ATRNL1: variants seen among roughly 807,000 people sequenced by gnomAD.
The protein encoded by ATRNL1 is attractin-like protein 1.
ATRNL1 carries 95 observed loss-of-function variants against 182.7 expected under a neutral mutation model. The ratio of observed to expected loss-of-function variants is 0.52; its 90% confidence interval spans 0.44 to 0.62. The LOEUF (loss-of-function observed/expected upper bound fraction) is 0.62, where lower values mean the gene tolerates loss of function less well. ATRNL1 is among the 20% of genes least tolerant of loss of function. ATRNL1 has a pLI of 0.00. For synonymous variants in ATRNL1, 576 were observed against 568.3 expected, an observed-to-expected ratio of 1.01 and a Z score of -0.19; for missense variants, 1,471 against 1,679.5, an observed-to-expected ratio of 0.88 and a Z score of 2.17.
intron 24 of ATRNL1, among the ~76,000 whole-genome samples, chr10:115,511,739 A>G (rs1850396417): frequency 2.0e-5 from 3 of 151,938 alleles, no homozygotes; most frequent in African/African-American, 7.2e-5. Context: ...TTATTAATTC[A>G]TTAAAAATAT....
chr10:115,281,699 A>G (rs1319440136), intron 14 of ATRNL1, among the ~76,000 whole-genome samples: 1 of 151,502 alleles, frequency 6.6e-6, no homozygotes, highest in Non-Finnish European at 1.5e-5. Context: ...TCATATGTTT[A>G]TGATACTGTT....
intron 28 of ATRNL1, among the ~76,000 whole-genome samples, chr10:115,889,667 T>G (rs2134459803): frequency 6.6e-6 from 1 of 152,358 alleles, no homozygotes; most frequent in South Asian, 2.1e-4. Context: ...CTCACAATTT[T>G]CTGCCTTAGA....
At chr10:115,593,162 GA>G (rs1856017104) in intron 26 of ATRNL1, among the ~76,000 whole-genome samples, 1 of 152,144 alleles carries the variant, frequency 6.6e-6, no homozygotes, top group Non-Finnish European at 1.5e-5. Flanking sequence ...AGAAGGGGCT[GA>G]ACTTCCTTTT....
At chr10:115,735,295 T>G (rs1472656270) in intron 27 of ATRNL1, among the ~76,000 whole-genome samples, 1 of 152,180 alleles carries the variant, frequency 6.6e-6, no homozygotes, top group Non-Finnish European at 1.5e-5. Flanking sequence ...AAGAAATGTA[T>G]TTAAAATATA....
Position 115,474,563 on chromosome 10 carries a change from A to G in ATRNL1, c.3654+5234A>G, listed in dbSNP as rs576257997. ...GAGTTTAGGGACTGTTGTGGGTGAA[A>G]TAGAGCAGGGATGGAAGGGAGATAT... On this transcript the variant is annotated intron_variant, in intron 24 of 28. Coordinates refer to ENST00000355044, the MANE Select transcript of ATRNL1 (RefSeq NM_207303.4). Among the ~76,000 whole-genome samples, 8 of 151,242 alleles carry G rather than the reference A, an allele frequency of 5.3e-5. No homozygotes were observed. The East Asian group carries it at 1.4e-3, about 26-fold the overall frequency.
chr10:115,675,822 A>T (rs1555042786), intron 26 of ATRNL1, among the ~76,000 whole-genome samples: 1 of 152,248 alleles, frequency 6.6e-6, no homozygotes. Context: ...TAACAACCTT[A>T]TTAAATAGCT....
intron 28 of ATRNL1, among the ~76,000 whole-genome samples, chr10:115,911,134 G>A (rs1418944217): frequency 5.3e-5 from 8 of 151,286 alleles, no homozygotes; most frequent in Non-Finnish European, 1.2e-4. Context: ...CCTTTGCTGG[G>A]ACTACAGGCA....
chr10:115,761,395 G>A (rs1948731920), intron 27 of ATRNL1, among the ~76,000 whole-genome samples: 1 of 152,132 alleles, frequency 6.6e-6, no homozygotes, highest in Non-Finnish European at 1.5e-5. Context: ...ACATTCCAGT[G>A]CTCTAAGACC....
At chr10:115,151,648 C>T (rs1592173609) in intron 5 of ATRNL1, among the ~76,000 whole-genome samples, 1 of 151,930 alleles carries the variant, frequency 6.6e-6, no homozygotes, top group Admixed American at 6.6e-5. Flanking sequence ...ATTGCAAAAA[C>T]TTTCTCCCAT....
At chr10:115,794,987 GCTTCTGTGT>G (rs1482985450) in intron 27 of ATRNL1, among the ~76,000 whole-genome samples, 1 of 152,040 alleles carries the variant, frequency 6.6e-6, no homozygotes, top group Non-Finnish European at 1.5e-5. Context: ...CTTTAAGATG[GCTTCTGTGT>G]CCTTTTGAAA....
At chr10:115,672,296 G>A (rs1945721328) in intron 26 of ATRNL1, among the ~76,000 whole-genome samples, 1 of 152,044 alleles carries the variant, frequency 6.6e-6, no homozygotes, top group African/African-American at 2.4e-5. Flanking sequence ...AGATTAAACA[G>A]CCTAGGAAGT....
chr10:115,464,074 A>G (rs1028950757), intron 22 of ATRNL1, among the ~76,000 whole-genome samples: 1 of 151,978 alleles, frequency 6.6e-6, no homozygotes, highest in Admixed American at 6.6e-5. Context: ...CCAATGTCCC[A>G]GCTTTGTTTT....
chr10:115,920,888 C>T lies in ATRNL1; in HGVS notation c.4019-23770C>T, dbSNP rs190402959. Reference sequence around the variant, plus strand: ...GTTAAGAAGTATCAAAATATCAGCACTTATTTCTATAACTAATGTATATAT... The same window carrying T: ...GTTAAGAAGTATCAAAATATCAGCATTTATTTCTATAACTAATGTATATAT... On this transcript the variant is annotated intron_variant, in intron 28 of 28. Transcript: ENST00000355044. Among the ~76,000 whole-genome samples, 585 of 152,268 alleles carry T rather than the reference C, an allele frequency of 3.8e-3. 5 individuals carry two copies. Among genetic ancestry groups the T allele is most frequent in the African/African-American group, 0.013 (559 of 41,550 alleles).
At chr10:115,601,874 A>G (rs1043204428) in intron 26 of ATRNL1, among the ~76,000 whole-genome samples, 1 of 151,934 alleles carries the variant, frequency 6.6e-6, no homozygotes, top group Non-Finnish European at 1.5e-5. Flanking sequence ...GTAATTATCT[A>G]TACTATGTGT....
rs34729273 is a variant in ATRNL1, at chr10:115,628,146, C to CAA, written c.3795+78623_3795+78624dup. Among the ~76,000 whole-genome samples, 56 of 109,068 alleles carry CAA rather than the reference C, an allele frequency of 5.1e-4. 2 individuals carry two copies. The highest frequency in any genetic ancestry group is 4.3e-3 in the East Asian group (18 of 4,148). The allele number at this position is 109,068 out of a possible 152,430, so 71.6% of individuals were successfully genotyped here. On this transcript the variant is annotated intron_variant, in intron 26 of 28. Coordinates refer to ENST00000355044, the MANE Select transcript of ATRNL1 (RefSeq NM_207303.4). ...TGGGCAACAGAGCAAGACTCTGTCT[C>CAA]AAAAAAAAAAAAAAGAAAGAAAAAA...
chr10:115,704,701 T>C (rs1478348399), intron 26 of ATRNL1, among the ~76,000 whole-genome samples: 3 of 151,958 alleles, frequency 2.0e-5, no homozygotes, highest in Non-Finnish European at 2.9e-5. Flanking sequence ...TTTTGTGATA[T>C]GGGGTATACG....
chr10:115,538,822 C>T (rs1185698751), intron 25 of ATRNL1, among the ~76,000 whole-genome samples: 2 of 152,138 alleles, frequency 1.3e-5, no homozygotes, highest in Non-Finnish European at 2.9e-5. Flanking sequence ...AGTCAATGCA[C>T]TACATAACAT....
At chr10:115,230,107 T>C (rs1268600462) in intron 9 of ATRNL1, among the ~76,000 whole-genome samples, 4 of 152,212 alleles carry the variant, frequency 2.6e-5, no homozygotes, top group Non-Finnish European at 1.5e-5. Flanking sequence ...TTTTCTGTTT[T>C]TAAATTTTGC....
intron 25 of ATRNL1, among the ~76,000 whole-genome samples, chr10:115,533,651 G>C (rs1851757827): frequency 6.6e-6 from 1 of 151,834 alleles, no homozygotes; most frequent in Non-Finnish European, 1.5e-5. Context: ...GCTAGGTTTT[G>C]AATGTGTTTG....
Sources: gnomAD v4.1 joint callset for allele counts (sites outside exome capture counted in the v4.1 genomes callset) on GRCh38, gnomAD v4.1.1 for gene constraint, MANE v1.5 for transcripts, NCBI Gene and HGNC (gene_info 2026-07-23, HGNC 2026-07-21) for gene names.